RPS4Y1: variants seen among roughly 807,000 people sequenced by gnomAD.
The protein encoded by RPS4Y1 is ribosomal protein S4 Y-linked 1, also known as small ribosomal subunit protein eS4, Y isoform 1.
For synonymous variants in RPS4Y1, 23 were observed against 20.8 expected (o/e 1.10, Z -0.28); for missense variants, 30 against 60.9 (o/e 0.49, Z 1.69).
intron 2 of RPS4Y1, among the ~76,000 whole-genome samples, chrY:2,843,278 G>A (rs2051150458): frequency 6.0e-5 from 2 of 33,422 alleles, no homozygotes; most frequent in East Asian, 1.6e-3. Flanking sequence ...CTGGGAACTT[G>A]GTCCCTTAGT....
Position 2,862,635 on chromosome Y carries a change from T to C in RPS4Y1, c.533-2453T>C, listed in dbSNP as rs779715330. Among the ~76,000 whole-genome samples, 3 of 33,906 alleles carry C rather than the reference T, an allele frequency of 8.8e-5. No individual in the cohort carries two copies. In the East Asian group the frequency reaches 2.3e-3, roughly 26 times the overall value. 91.0% of individuals were successfully genotyped at this position (33,906 alleles called of 37,273 possible). ...TTTAAGGCAGTTCCAAGTTCTGCAT[T>C]TGGTTTGTGCTATGTTGAGGGTGGT... On this transcript the variant is annotated intron_variant, in intron 5 of 6. Coordinates refer to ENST00000250784, the MANE Select transcript of RPS4Y1 (RefSeq NM_001008.4).
At position 2,842,199 on chromosome Y, in the gene RPS4Y1, C is replaced by T; in HGVS notation, c.38C>T (p.Ala13Val). ...RGPKKHLKRV[A>V]APKHWMLDKL... ...CCCAAGAAGCACTTAAAGCGTGTTG[C>T]AGCGCCGAAGCATTGGATGCTTGAC... The change falls in exon 2 of 7, where the codon GCA (alanine) becomes GTA (valine). Residue 13 changes from alanine to valine, a missense_variant. Ala to Val is a moderately conservative substitution (Grantham distance 64). Coordinates refer to ENST00000250784, the MANE Select transcript of RPS4Y1 (RefSeq NM_001008.4). The T allele has an allele frequency of 2.5e-6, 1 of 398,432 alleles. No individual in the cohort carries two copies. Among genetic ancestry groups the T allele is most frequent in the Non-Finnish European group, 3.5e-6 (1 of 283,392 alleles).
At chrY:2,856,972 A>C in intron 5 of RPS4Y1, among the ~76,000 whole-genome samples, 1 of 33,370 alleles carries the variant, frequency 3.0e-5, no homozygotes. Context: ...ATAATCTCAG[A>C]ATGACAAAGC....
chrY:2,856,307 T>G (rs2051159847), intron 5 of RPS4Y1, among the ~76,000 whole-genome samples: 1 of 32,331 alleles, frequency 3.1e-5, no homozygotes, highest in African/African-American at 1.2e-4. Context: ...CCCGGCTAAT[T>G]TTTGTATTTT....
chrY:2,841,956 C>T, intron 1 of RPS4Y1: 2 of 375,850 alleles, frequency 5.3e-6, no homozygotes, highest in Non-Finnish European at 7.4e-6. Context: ...GCTAGGGAGA[C>T]CCGCCAAGTT....
chrY:2,847,542 G>T (rs2051153541), intron 4 of RPS4Y1, among the ~76,000 whole-genome samples: 1 of 33,455 alleles, frequency 3.0e-5, no homozygotes, highest in Non-Finnish European at 7.4e-5. Context: ...CACGAGTAAT[G>T]GGAACTAAGG....
chrY:2,865,366 G>A, intron 6 of RPS4Y1, 121 bp downstream of exon 6: 1 of 189,103 alleles, frequency 5.3e-6, no homozygotes, highest in Non-Finnish European at 9.1e-6. Context: ...TTCACAGAGT[G>A]CAGCAAGCTC....
At chrY:2,849,924 G>A (rs2051155100) in intron 4 of RPS4Y1, among the ~76,000 whole-genome samples, 1 of 34,032 alleles carries the variant, frequency 2.9e-5, no homozygotes, top group Non-Finnish European at 7.3e-5. Flanking sequence ...GTGTTCAAAA[G>A]TTTTTAGCCT....
At chrY:2,864,194 C>T (rs1603309235) in intron 5 of RPS4Y1, among the ~76,000 whole-genome samples, 1 of 33,664 alleles carries the variant, frequency 3.0e-5, no homozygotes, top group African/African-American at 1.2e-4. Flanking sequence ...TCTTCTGTTT[C>T]CCATCAGTTT....
At chrY:2,852,522 T>TA (rs2051156830) in intron 4 of RPS4Y1, among the ~76,000 whole-genome samples, 1 of 34,133 alleles carries the variant, frequency 2.9e-5, no homozygotes, top group Non-Finnish European at 7.3e-5. Flanking sequence ...TCAGGGAACT[T>TA]ACGCAGCTTT....
intron 4 of RPS4Y1, among the ~76,000 whole-genome samples, chrY:2,853,682 C>T (rs754388213): frequency 3.0e-5 from 1 of 33,761 alleles, no homozygotes; most frequent in East Asian, 7.6e-4. Context: ...TCACGAGCAA[C>T]ACCAGAGTGG....
At chrY:2,866,025 C>T (rs2124491372) in intron 6 of RPS4Y1, among the ~76,000 whole-genome samples, 3 of 33,196 alleles carry the variant, frequency 9.0e-5, no homozygotes, top group East Asian at 1.6e-3. Flanking sequence ...GGGACTAAGG[C>T]GCCCGCCACC....
intron 4 of RPS4Y1, among the ~76,000 whole-genome samples, chrY:2,853,732 T>G (rs2124490181): frequency 3.0e-5 from 1 of 33,871 alleles, no homozygotes; most frequent in South Asian, 6.6e-4. Context: ...GTTAATGGGT[T>G]GTGCCATTTA....
intron 5 of RPS4Y1, among the ~76,000 whole-genome samples, chrY:2,862,982 C>G (rs552933926): frequency 3.0e-5 from 1 of 33,833 alleles, no homozygotes; most frequent in South Asian, 6.5e-4. Context: ...GCTTTGATTT[C>G]TATTCTATTG....
At chrY:2,842,276 TG>T (rs1444327105) in intron 2 of RPS4Y1, 34 bp downstream of exon 2, 2 of 362,248 alleles carry the variant, frequency 5.5e-6, no homozygotes, top group Non-Finnish European at 7.9e-6. Flanking sequence ...GGTTTTTTTT[TG>T]TTTTTTTTAG....
At chrY:2,858,075 CT>C (rs2051161200) in intron 5 of RPS4Y1, among the ~76,000 whole-genome samples, 1 of 28,959 alleles carries the variant, frequency 3.5e-5, no homozygotes, top group Non-Finnish European at 8.5e-5. Flanking sequence ...TATATATTTT[CT>C]TTTTTTTTTT....
At chrY:2,861,061 A>G in intron 5 of RPS4Y1, among the ~76,000 whole-genome samples, 1 of 31,567 alleles carries the variant, frequency 3.2e-5, no homozygotes, top group Non-Finnish European at 7.7e-5. Context: ...GCTCACCTTT[A>G]TTTTTCTTTT....
At position 2,845,621 on chromosome Y, in the gene RPS4Y1, G is replaced by A. The variant is rs1363927754; in HGVS notation, c.263-25G>A. The A allele has an allele frequency of 8.4e-6, 3 of 355,916 alleles. No individual in the cohort carries two copies. The South Asian group carries it at 9.2e-5, about 11-fold the overall frequency. The allele number at this position is 355,916 out of a possible 400,897, so 88.8% of individuals were successfully genotyped here. The stretch of plus-strand genomic sequence containing the variant: ...GAAACTTTGTGTTTGTGTTAACGAT[G>A]TTCCTTATACCCTTTTGTGATCAGA... On this transcript the variant is annotated intron_variant, in intron 3 of 6. Transcript: ENST00000250784.
At chrY:2,860,119 A>G (rs2051162612) in intron 5 of RPS4Y1, among the ~76,000 whole-genome samples, 3 of 33,405 alleles carry the variant, frequency 9.0e-5, no homozygotes, top group Admixed American at 8.1e-4. Flanking sequence ...ATTTTACCCC[A>G]AAACATGTTT....
Sources: allele counts gnomAD v4.1 joint callset (sites outside exome capture counted in the v4.1 genomes callset), GRCh38; gene constraint gnomAD v4.1.1; transcripts MANE v1.5; gene names NCBI Gene and HGNC (gene_info 2026-07-23, HGNC 2026-07-21).